The following GMDS variants were observed in gnomAD, a reference collection of about 807,000 sequenced individuals.
GMDS encodes the protein GDP-mannose 4,6 dehydratase.
In GMDS, 20 loss-of-function variants were observed where a neutral mutation model predicts 49.9. The ratio of observed to expected loss-of-function variants is 0.40; its 90% CI spans 0.28 to 0.58. The LOEUF (loss-of-function observed/expected upper bound fraction) is 0.58, where lower values mean the gene tolerates loss of function less well. GMDS is among the 20% of genes least tolerant of loss of function. The pLI, the probability that GMDS is intolerant of heterozygous loss-of-function variation, is 0.42. For synonymous variants in GMDS, 177 were observed against 178.6 expected (o/e 0.99, Z 0.07); for missense variants, 362 against 481.4 (o/e 0.75, Z 2.32).
intron 9 of GMDS, among the ~76,000 whole-genome samples, chr6:1,695,301 T>C (rs1765300749): frequency 6.6e-6 from 1 of 152,194 alleles, no homozygotes; most frequent in Non-Finnish European, 1.5e-5. Flanking sequence ...TGGAGTCTTC[T>C]GTAAAAACTG....
chr6:1,896,590 G>C (rs1364465708), intron 7 of GMDS, among the ~76,000 whole-genome samples: 1 of 152,154 alleles, frequency 6.6e-6, no homozygotes, highest in East Asian at 1.9e-4. Flanking sequence ...GGGGGTGTCA[G>C]GTGAGGGCCA....
intron 7 of GMDS, among the ~76,000 whole-genome samples, chr6:1,747,521 T>C (rs1247309795): frequency 1.3e-5 from 2 of 151,802 alleles, no homozygotes; most frequent in African/African-American, 4.8e-5. Flanking sequence ...TATGTATGTA[T>C]ACGCATTTCA....
intron 7 of GMDS, among the ~76,000 whole-genome samples, chr6:1,921,827 T>C (rs1376605111): frequency 6.6e-6 from 1 of 152,230 alleles, no homozygotes; most frequent in Admixed American, 6.5e-5. Flanking sequence ...TTCATTTGTA[T>C]TTCTTGGAAT....
In GMDS at chr6:1,817,108, TACAC is replaced by T. The variant is rs3839594; in HGVS notation, c.772-74526_772-74523del. On this transcript the variant is annotated intron_variant, in intron 7 of 10. Transcript: ENST00000380815. ...ATATATATTTAATACATTGCTCCTT[TACAC>T]ACACACACACACACACTCACATAAC... 8.2e-5 allele frequency among the ~76,000 whole-genome samples: 12 copies of T among 146,132 alleles called. No homozygotes were observed. The South Asian group carries it at 9.1e-4, about 11-fold the overall frequency.
chr6:2,014,645 A>C (rs1455060154), intron 4 of GMDS, among the ~76,000 whole-genome samples: 2 of 152,156 alleles, frequency 1.3e-5, no homozygotes, highest in Admixed American at 1.3e-4. Context: ...GCAAGAATAG[A>C]GAGGAAGATG....
At chr6:1,855,837 C>T (rs1430592659) in intron 7 of GMDS, among the ~76,000 whole-genome samples, 2 of 152,198 alleles carry the variant, frequency 1.3e-5, no homozygotes, top group Admixed American at 6.5e-5. Flanking sequence ...AGGCACCATA[C>T]AGTCTAACCT....
chr6:2,057,353 A>C (rs1262865770), intron 4 of GMDS, among the ~76,000 whole-genome samples: 2 of 152,212 alleles, frequency 1.3e-5, no homozygotes, highest in Admixed American at 1.3e-4. Flanking sequence ...ATGAATGAAC[A>C]AATTCTTCCT....
chr6:2,083,989 T>C (rs1772864244), intron 4 of GMDS, among the ~76,000 whole-genome samples: 1 of 152,222 alleles, frequency 6.6e-6, no homozygotes, highest in South Asian at 2.1e-4. Context: ...TCAAATTATA[T>C]GTCTCAAGGA....
chr6:1,776,174 G>A (rs901772338), intron 7 of GMDS, among the ~76,000 whole-genome samples: 1 of 152,194 alleles, frequency 6.6e-6, no homozygotes, highest in Non-Finnish European at 1.5e-5. Context: ...AAGACACAGA[G>A]TTTTCTCAAC....
At chr6:1,774,258 T>C (rs1160025704) in intron 7 of GMDS, among the ~76,000 whole-genome samples, 1 of 152,252 alleles carries the variant, frequency 6.6e-6, no homozygotes, top group African/African-American at 2.4e-5. Context: ...ATGTACTGTC[T>C]TCGTAACTCA....
At chr6:1,822,536 T>C (rs1770942861) in intron 7 of GMDS, among the ~76,000 whole-genome samples, 1 of 152,160 alleles carries the variant, frequency 6.6e-6, no homozygotes, top group Admixed American at 6.5e-5. Context: ...ATGAGATAGT[T>C]CAAGAAAAAT....
intron 7 of GMDS, among the ~76,000 whole-genome samples, chr6:1,900,966 T>G (rs1315878956): frequency 6.6e-6 from 1 of 152,180 alleles, no homozygotes; most frequent in Non-Finnish European, 1.5e-5. Context: ...GAGAAAGTAG[T>G]TATGCTGCAA....
chr6:2,222,126 T>C (rs1464984075), intron 1 of GMDS, among the ~76,000 whole-genome samples: 1 of 152,270 alleles, frequency 6.6e-6, no homozygotes, highest in Non-Finnish European at 1.5e-5. Flanking sequence ...AGTCTGATAA[T>C]GACAGCTTTT....
At chr6:2,151,335 C>G (rs1776833510) in intron 1 of GMDS, among the ~76,000 whole-genome samples, 1 of 151,884 alleles carries the variant, frequency 6.6e-6, no homozygotes. Context: ...AAACTTAAAA[C>G]AATTTTTTTA....
chr6:1,739,121 G>A (rs1767159737), intron 8 of GMDS, among the ~76,000 whole-genome samples: 1 of 152,214 alleles, frequency 6.6e-6, no homozygotes, highest in Non-Finnish European at 1.5e-5. Context: ...TGTGTTCACT[G>A]CAAATATCCT....
In GMDS at chr6:2,151,421, G is replaced by A. The variant is rs552989402; in HGVS notation, c.103-26690C>T. Reference sequence around the variant, plus strand: ...TTATCTCATGTAAATATGAATTGGAGTGAATTCTGAGTAAATAAAATTTAC... The same window carrying A: ...TTATCTCATGTAAATATGAATTGGAATGAATTCTGAGTAAATAAAATTTAC... On this transcript the variant is annotated intron_variant, in intron 1 of 10. Transcript: ENST00000380815. 4.6e-5 allele frequency among the ~76,000 whole-genome samples: 7 copies of A among 152,150 alleles called. No homozygotes were observed. In the East Asian group the frequency reaches 1.4e-3, roughly 29 times the overall value.
At chr6:1,777,751 A>AGTAT (rs773915999) in intron 7 of GMDS, among the ~76,000 whole-genome samples, 11 of 152,218 alleles carry the variant, frequency 7.2e-5, no homozygotes, top group Non-Finnish European at 1.5e-4. Flanking sequence ...CGGGGGATGG[A>AGTAT]GGGATAGCAA....
intron 7 of GMDS, among the ~76,000 whole-genome samples, chr6:1,750,612 C>T (rs1411830828): frequency 6.6e-6 from 1 of 152,104 alleles, no homozygotes; most frequent in East Asian, 1.9e-4. Flanking sequence ...CCTTCGGGTG[C>T]CTATACCACC....
chr6:1,937,304 G>T (rs1004935851), intron 6 of GMDS, among the ~76,000 whole-genome samples: 2 of 152,172 alleles, frequency 1.3e-5, no homozygotes, highest in African/African-American at 2.4e-5. Context: ...AGAAAAGAAA[G>T]CACGCCTAGA....
Sources: allele counts gnomAD v4.1 joint callset (sites outside exome capture counted in the v4.1 genomes callset), GRCh38; gene constraint gnomAD v4.1.1; transcripts MANE v1.5; gene names NCBI Gene and HGNC (gene_info 2026-07-23, HGNC 2026-07-21).